DPP6: variants seen among roughly 807,000 people sequenced by gnomAD.
The protein encoded by DPP6 is A-type potassium channel modulatory protein DPP6.
In DPP6, 69 loss-of-function variants were observed where a neutral mutation model predicts 122.6. That is an observed-to-expected ratio of 0.56 (90% confidence interval 0.46 to 0.69). DPP6 has a LOEUF of 0.69. DPP6 is among the 30% of genes least tolerant of loss of function. DPP6 has a pLI of 0.00. For missense variants in DPP6, 928 were observed against 1,116.9 expected (o/e 0.83, Z 2.41); for synonymous variants, 418 against 433.1 (o/e 0.97, Z 0.43).
chr7:154,041,628 G>A (rs1799769201), intron 1 of DPP6, among the ~76,000 whole-genome samples: 1 of 152,142 alleles, frequency 6.6e-6, no homozygotes, highest in Non-Finnish European at 1.5e-5. Flanking sequence ...TGGCTGAAAG[G>A]GCCTAAGCCC....
Position 154,645,070 on chromosome 7 carries a change from T to G in DPP6, c.680+7197T>G, listed in dbSNP as rs199907336. ...TTTTGTTTATTTGTTGGTTTTTTTT[T>G]TTTTTTTTTTGAGAGGAAGTATTGC... On this transcript the variant is annotated intron_variant, in intron 6 of 25. Coordinates refer to ENST00000377770, the MANE Select transcript of DPP6 (RefSeq NM_130797.4). Among the ~76,000 whole-genome samples the G allele has an allele frequency of 2.0e-5, 3 of 149,100 alleles. No homozygotes were observed. The East Asian group carries it at 5.9e-4, about 29-fold the overall frequency.
chr7:154,727,688 G>A, intron 7 of DPP6, 79 bp from the exon 8 acceptor site: 1 of 1,478,660 alleles, frequency 6.8e-7, no homozygotes, highest in Non-Finnish European at 9.0e-7. Flanking sequence ...CCCGGTTGAT[G>A]ATTTCAGATT....
At chr7:153,810,671 C>CCTCTCTCTCTCTCT in the DPP6 span, among the ~76,000 whole-genome samples, 240 of 124,706 alleles carry the variant, frequency 1.9e-3, 2 homozygotes, top group Non-Finnish European at 2.7e-3. Context: ...CTCTCTCTCT[C>CCTCTCTCTCTCTCT]CTCTCTCTCT....
At chr7:154,608,721 C>T (rs1833730655) in intron 5 of DPP6, among the ~76,000 whole-genome samples, 1 of 152,014 alleles carries the variant, frequency 6.6e-6, no homozygotes, top group South Asian at 2.1e-4. Context: ...TTGATTCCAT[C>T]ATTTTAACCT....
At chr7:154,229,836 A>G (rs1346497925) in intron 1 of DPP6, among the ~76,000 whole-genome samples, 2 of 152,124 alleles carry the variant, frequency 1.3e-5, no homozygotes, top group Non-Finnish European at 2.9e-5. Flanking sequence ...TCCTGTTCAG[A>G]CATGTTATAA....
chr7:154,376,994 CA>C (rs1486344655), intron 1 of DPP6, among the ~76,000 whole-genome samples: 1 of 152,098 alleles, frequency 6.6e-6, no homozygotes, highest in Non-Finnish European at 1.5e-5. Context: ...TATCTTACAG[CA>C]AACACTTTTA....
chr7:153,821,974 G>C, the DPP6 span, among the ~76,000 whole-genome samples: 1 of 152,118 alleles, frequency 6.6e-6, no homozygotes, highest in Admixed American at 6.5e-5. Context: ...CTCTCCAGGG[G>C]AGCCCTTCAG....
intron 1 of DPP6, among the ~76,000 whole-genome samples, chr7:154,418,172 T>C (rs1305315186): frequency 6.6e-6 from 1 of 152,220 alleles, no homozygotes; most frequent in Admixed American, 6.5e-5. Flanking sequence ...TCTAAACTTC[T>C]GTGTCAATTT....
At position 154,874,367 on chromosome 7, in the gene DPP6, G is replaced by A. The variant is rs1804673474; in HGVS notation, c.1884-1539G>A. On this transcript the variant is annotated intron_variant, in intron 19 of 25. Coordinates refer to ENST00000377770, the MANE Select transcript of DPP6 (RefSeq NM_130797.4). ...GGTGGAGACAGCTGAGCTCTGCTGA[G>A]CTCGGACGGGACCGGCCAGGCAACC... Among the ~76,000 whole-genome samples the A allele has an allele frequency of 2.0e-5, 3 of 152,320 alleles. No homozygotes were observed. In the South Asian group the frequency reaches 6.2e-4, roughly 32 times the overall value.
intron 1 of DPP6, among the ~76,000 whole-genome samples, chr7:154,411,615 A>G (rs1816606542): frequency 6.6e-6 from 1 of 152,160 alleles, no homozygotes; most frequent in Admixed American, 6.5e-5. Flanking sequence ...TATGATAACT[A>G]ATCTTCCAGA....
At chr7:154,087,222 G>A (rs1375675619) in intron 1 of DPP6, among the ~76,000 whole-genome samples, 1 of 151,940 alleles carries the variant, frequency 6.6e-6, no homozygotes, top group Non-Finnish European at 1.5e-5. Context: ...CACTTGGCTG[G>A]CACACAAGGA....
intron 1 of DPP6, among the ~76,000 whole-genome samples, chr7:154,444,583 G>A (rs1819695917): frequency 6.6e-6 from 1 of 152,162 alleles, no homozygotes. Flanking sequence ...GTTTTTAATG[G>A]TTTCCTTGGA....
chr7:153,875,364 T>C, the DPP6 span, among the ~76,000 whole-genome samples: 1 of 152,072 alleles, frequency 6.6e-6, no homozygotes, highest in Non-Finnish European at 1.5e-5. Flanking sequence ...GAGAGAACTC[T>C]TCATGCAAAA....
At chr7:154,846,499 G>T (rs1365270859) in intron 16 of DPP6, among the ~76,000 whole-genome samples, 1 of 152,132 alleles carries the variant, frequency 6.6e-6, no homozygotes. Context: ...CAGCTTCCTT[G>T]TTTCACACCA....
chr7:154,592,860 A>G (rs1436063517), intron 5 of DPP6, among the ~76,000 whole-genome samples: 1 of 152,196 alleles, frequency 6.6e-6, no homozygotes, highest in African/African-American at 2.4e-5. Context: ...CTCTGTTACC[A>G]AACCACCCTC....
intron 1 of DPP6, among the ~76,000 whole-genome samples, chr7:154,311,413 C>G (rs546994515): frequency 5.3e-5 from 8 of 152,012 alleles, no homozygotes; most frequent in African/African-American, 1.9e-4. Flanking sequence ...GGAGGATCAC[C>G]TGAGCCCAGG....
At chr7:154,367,635 AT>A (rs1812295417) in intron 1 of DPP6, among the ~76,000 whole-genome samples, 2 of 152,284 alleles carry the variant, frequency 1.3e-5, no homozygotes, top group South Asian at 4.1e-4. Context: ...CTAGAGTCTC[AT>A]TTTTTAAAAA....
chr7:153,993,818 C>T (rs1297634045), intron 1 of DPP6, among the ~76,000 whole-genome samples: 4 of 152,226 alleles, frequency 2.6e-5, no homozygotes, highest in African/African-American at 4.8e-5. Context: ...ACAGTTAATA[C>T]GCCCTCTTTC....
chr7:154,835,109 C>A (rs940834), intron 16 of DPP6, among the ~76,000 whole-genome samples: 120,228 of 152,078 alleles, frequency 0.79, 47,919 homozygotes, highest in East Asian at 0.99. Flanking sequence ...TATTTCCCCA[C>A]AAAATGTGTT....
Sources: allele counts gnomAD v4.1 joint callset (sites outside exome capture counted in the v4.1 genomes callset), GRCh38; gene constraint gnomAD v4.1.1; transcripts MANE v1.5; gene names NCBI Gene and HGNC (gene_info 2026-07-23, HGNC 2026-07-21).